Variants in LBP observed in about 807,000 individuals in gnomAD.
LBP encodes the protein lipopolysaccharide binding protein.
A neutral mutation model predicts 56.6 loss-of-function variants in LBP; 53 were observed. The ratio of observed to expected loss-of-function variants is 0.94; its 90% CI spans 0.75 to 1.18. The LOEUF is 1.18. LBP is among the 50% of genes most tolerant of loss of function. The pLI is 0.00. For missense variants in LBP, 601 were observed against 598.3 expected, an observed-to-expected ratio of 1.00 and a Z score of -0.05; for synonymous variants, 227 against 247.5, an observed-to-expected ratio of 0.92 and a Z score of 0.78.
intron 5 of LBP, among the ~76,000 whole-genome samples, chr20:38,357,511 C>T (rs2076845570): frequency 6.6e-6 from 1 of 152,160 alleles, no homozygotes; most frequent in South Asian, 2.1e-4. Flanking sequence ...GCTCTCTGGG[C>T]GATATATACT....
rs1471400770 is a variant in LBP, at chr20:38,355,464, G to T, written c.588+55G>T. ...CGAGCTTGGCGAGGGCTGAATGGAA[G>T]ACCTCACTGACCAATGGCCCTGGAC... On this transcript the variant is annotated intron_variant, in intron 5 of 14. Coordinates refer to ENST00000217407, the MANE Select transcript of LBP (RefSeq NM_004139.5). 4 of 1,462,192 alleles carry T rather than the reference G, an allele frequency of 2.7e-6. No homozygotes were observed. The African/African-American group carries it at 4.2e-5, about 15-fold the overall frequency. The allele number at this position is 1,462,192 out of a possible 1,614,324, so 90.6% of individuals were successfully genotyped here.
rs940386173 is a variant in LBP, at chr20:38,354,396, A to T, written c.481A>T (p.Ser161Cys). Residue 161 changes from serine (S) to cysteine (C), a missense_variant, in exon 4 of 15, where the codon AGT (serine) becomes TGT (cysteine). Ser to Cys is a moderately radical substitution (Grantham distance 112). Transcript: ENST00000217407. ...CACAGTTACTGCCTCCAGCTGCAGCAGTGACATCGCTGACGTGGAGGTGGA... is the reference window on the plus strand; with the variant it reads ...CACAGTTACTGCCTCCAGCTGCAGCTGTGACATCGCTGACGTGGAGGTGGA... ...RPTVTASSCS[S>C]DIADVEVDMS... is the part of the protein sequence containing the mutation. 5 of 1,613,324 alleles carry T rather than the reference A, an allele frequency of 3.1e-6. No homozygotes were observed. The African/African-American group carries it at 5.3e-5, about 17-fold the overall frequency.
At chr20:38,353,036 T>C (rs1157564800) in intron 3 of LBP, among the ~76,000 whole-genome samples, 1 of 152,132 alleles carries the variant, frequency 6.6e-6, no homozygotes, top group East Asian at 1.9e-4. Flanking sequence ...TTTGTTCTAG[T>C]TCCATGAAAG....
intron 8 of LBP, among the ~76,000 whole-genome samples, chr20:38,366,038 C>A (rs957939079): frequency 6.6e-6 from 1 of 152,102 alleles, no homozygotes; most frequent in Non-Finnish European, 1.5e-5. Flanking sequence ...TGGATCTCAC[C>A]TTTAATGGTT....
chr20:38,367,699 C>T (rs2076887032), intron 9 of LBP, among the ~76,000 whole-genome samples: 1 of 152,172 alleles, frequency 6.6e-6, no homozygotes, highest in African/African-American at 2.4e-5. Flanking sequence ...TGCCTACCTT[C>T]TTAGTGAAGC....
intron 5 of LBP, among the ~76,000 whole-genome samples, chr20:38,359,288 C>A (rs2076851482): frequency 6.6e-6 from 1 of 151,998 alleles, no homozygotes; most frequent in African/African-American, 2.4e-5. Flanking sequence ...AGAAAGAACC[C>A]TTATAGCTGG....
intron 4 of LBP, among the ~76,000 whole-genome samples, 174 bp from the exon 5 acceptor site, chr20:38,355,172 C>T (rs1007865769): frequency 6.6e-6 from 1 of 152,240 alleles, no homozygotes; most frequent in Non-Finnish European, 1.5e-5. Flanking sequence ...GTGCCGCAGG[C>T]ACTGGGAAGC....
At chr20:38,361,719 A>C (rs1417890229) in intron 6 of LBP, among the ~76,000 whole-genome samples, 1 of 152,070 alleles carries the variant, frequency 6.6e-6, no homozygotes, top group African/African-American at 2.4e-5. Flanking sequence ...TCATTTTTAA[A>C]AACTTTTTAT....
At chr20:38,365,755 A>G (rs1459052718) in intron 8 of LBP, among the ~76,000 whole-genome samples, 1 of 146,456 alleles carries the variant, frequency 6.8e-6, no homozygotes, top group Admixed American at 6.9e-5. Flanking sequence ...TTTATATGTG[A>G]ATGAGGCAAG....
chr20:38,347,619 C>T (rs756631166), intron 1 of LBP, among the ~76,000 whole-genome samples: 4 of 152,006 alleles, frequency 2.6e-5, no homozygotes, highest in South Asian at 2.1e-4. Context: ...CAAAGCCTCC[C>T]GACTATCCAG....
At position 38,346,635 on chromosome 20, in the gene LBP, A is replaced by G; in HGVS notation, c.119A>G (p.Gln40Arg). 6.2e-7 allele frequency: 1 copy of G among 1,613,418 alleles called. No homozygotes were observed. Among genetic ancestry groups the G allele is most frequent in the Non-Finnish European group, 8.5e-7 (1 of 1,179,906 alleles). The change falls in exon 1 of 15, where the codon CAG becomes CGG. Residue 40 changes from glutamine (Q) to arginine (R), a missense_variant. Gln to Arg is a conservative substitution (Grantham distance 43). Coordinates refer to ENST00000217407, the MANE Select transcript of LBP (RefSeq NM_004139.5). ...GCCAGGATCACCGACAAGGGACTGC[A>G]GTATGGTAAGAAGCCACATCTGCTG... ...LVARITDKGL[Q>R]YAAQEGLLAL...
chr20:38,364,204 G>T, intron 7 of LBP, 138 bp downstream of exon 7: 1 of 645,872 alleles, frequency 1.5e-6, no homozygotes, highest in South Asian at 1.9e-5. Context: ...CGGGTGATAT[G>T]GAGTGGTGGG....
At chr20:38,372,474 T>G (rs929243305) in intron 12 of LBP, among the ~76,000 whole-genome samples, 5 of 152,204 alleles carry the variant, frequency 3.3e-5, no homozygotes, top group African/African-American at 1.2e-4. Context: ...AAATCCATCC[T>G]GTCGGGTTTT....
chr20:38,370,580 C>T (rs1028486935), intron 10 of LBP, among the ~76,000 whole-genome samples, 158 bp from the exon 11 acceptor site: 10 of 152,102 alleles, frequency 6.6e-5, no homozygotes, highest in African/African-American at 2.4e-4. Flanking sequence ...TGAGCACCTA[C>T]AGTGAGCCTT....
chr20:38,372,296 C>T (rs1436040840), intron 12 of LBP, among the ~76,000 whole-genome samples: 1 of 152,140 alleles, frequency 6.6e-6, no homozygotes, highest in African/African-American at 2.4e-5. Flanking sequence ...CAGACTTTCC[C>T]GAAGCACTTA....
intron 3 of LBP, 54 bp from the exon 4 acceptor site, chr20:38,354,230 T>C (rs1381973349): frequency 2.0e-6 from 3 of 1,510,956 alleles, no homozygotes; most frequent in African/African-American, 2.8e-5. Context: ...TCCCCACAAA[T>C]GGTGGCAGAC....
In LBP at chr20:38,349,654, G is replaced by C. The variant is rs1208773082; in HGVS notation, c.231G>C (p.Glu77Asp). The C allele has an allele frequency of 1.2e-5, 20 of 1,601,190 alleles. No homozygotes were observed. Among genetic ancestry groups the C allele is most frequent in the Non-Finnish European group, 1.7e-5 (20 of 1,173,200 alleles). ...RIPHVGRGRY[E>D]FHSLNIHSCE... Reference sequence around the variant, plus strand: ...CCCACGTCGGCCGTGGGCGCTATGAGTTCCACAGGTGGGGCTCTCCCTTCT... The same window carrying C: ...CCCACGTCGGCCGTGGGCGCTATGACTTCCACAGGTGGGGCTCTCCCTTCT... The change falls in exon 2 of 15, where the codon GAG (glutamate) becomes GAC (aspartate). Residue 77 changes from glutamate (E) to aspartate (D), a missense_variant. Coordinates refer to ENST00000217407, the MANE Select transcript of LBP (RefSeq NM_004139.5).
intron 1 of LBP, among the ~76,000 whole-genome samples, chr20:38,347,688 G>A (rs150133816): frequency 1.4e-4 from 22 of 152,262 alleles, no homozygotes; most frequent in Admixed American, 7.8e-4. Context: ...CTTCTGGGCC[G>A]GGGGTTTGTC....
rs749137143 is a variant in LBP, at chr20:38,346,498, A to G, written c.-19A>G. On this transcript the variant is annotated 5_prime_UTR_variant, in exon 1 of 15. Coordinates refer to ENST00000217407, the MANE Select transcript of LBP (RefSeq NM_004139.5). Reference sequence around the variant, plus strand: ...TCCACAGCTGGGACAGTCCTGGCCCACTGCACTGGGAATCTAGGATGGGGG... The same window carrying G: ...TCCACAGCTGGGACAGTCCTGGCCCGCTGCACTGGGAATCTAGGATGGGGG... The G allele has an allele frequency of 1.2e-5, 19 of 1,612,664 alleles. No individual in the cohort carries two copies. Among genetic ancestry groups the G allele is most frequent in the Non-Finnish European group, 1.6e-5 (19 of 1,179,726 alleles).
Sources: gnomAD v4.1 joint callset for allele counts (sites outside exome capture counted in the v4.1 genomes callset) on GRCh38, gnomAD v4.1.1 for gene constraint, MANE v1.5 for transcripts, NCBI Gene and HGNC (gene_info 2026-07-23, HGNC 2026-07-21) for gene names.